SYT1: variants seen among roughly 807,000 people sequenced by gnomAD.
SYT1 encodes the protein synaptotagmin-1.
SYT1 carries 8 observed loss-of-function variants against 44.8 expected under a neutral mutation model. The ratio of observed to expected loss-of-function variants is 0.18; its 90% confidence interval spans 0.10 to 0.32. SYT1 has a LOEUF of 0.32. Ranked by LOEUF, SYT1 falls within the 10% of genes least tolerant of loss-of-function variation. SYT1 has a pLI of 1.00. For missense variants in SYT1, 286 were observed against 509.3 expected (o/e 0.56, Z 4.22); for synonymous variants, 154 against 188.8 (o/e 0.82, Z 1.51).
At chr12:78,865,460 C>T (rs937813005) in intron 1 of SYT1, among the ~76,000 whole-genome samples, 5 of 152,198 alleles carry the variant, frequency 3.3e-5, no homozygotes, top group Admixed American at 3.3e-4. Flanking sequence ...CCACCCTAAG[C>T]ACGCACAGCG....
intron 3 of SYT1, among the ~76,000 whole-genome samples, chr12:79,077,037 G>C (rs185965926): frequency 6.6e-6 from 1 of 152,136 alleles, no homozygotes; most frequent in Non-Finnish European, 1.5e-5. Context: ...ACAAAGTTCA[G>C]GTGTTTTAGT....
chr12:79,145,191 A>G (rs1430977671), intron 3 of SYT1, among the ~76,000 whole-genome samples: 1 of 152,186 alleles, frequency 6.6e-6, no homozygotes, highest in Admixed American at 6.5e-5. Flanking sequence ...ATGGTAACAA[A>G]TCCACTTAAT....
intron 4 of SYT1, among the ~76,000 whole-genome samples, chr12:79,271,273 A>T (rs1006709379): frequency 1.3e-5 from 2 of 152,176 alleles, no homozygotes; most frequent in Admixed American, 6.5e-5. Context: ...TTTTTTAAAA[A>T]ATTTATTTAG....
chr12:78,916,741 T>C (rs1876676478), intron 1 of SYT1, among the ~76,000 whole-genome samples: 2 of 152,062 alleles, frequency 1.3e-5, no homozygotes, highest in African/African-American at 2.4e-5. Flanking sequence ...ATTGAAACCA[T>C]AGTGTTTACT....
intron 2 of SYT1, among the ~76,000 whole-genome samples, chr12:79,011,309 T>G (rs189474724): frequency 3.9e-5 from 6 of 152,302 alleles, no homozygotes; most frequent in Middle Eastern, 3.4e-3. Flanking sequence ...TCCTTAAGTT[T>G]ACATACCAGC....
chr12:79,271,527 A>AT (rs1878425453), intron 4 of SYT1, among the ~76,000 whole-genome samples: 1 of 152,150 alleles, frequency 6.6e-6, no homozygotes, highest in Non-Finnish European at 1.5e-5. Context: ...TAAGACTGAG[A>AT]TTTTAACACC....
At chr12:79,418,283 C>A (rs937771858) in intron 9 of SYT1, among the ~76,000 whole-genome samples, 1 of 152,038 alleles carries the variant, frequency 6.6e-6, no homozygotes, top group African/African-American at 2.4e-5. Context: ...ACTTGGTGCC[C>A]GAATGATCAT....
At chr12:79,064,242 GAA>G (rs1176735104) in intron 3 of SYT1, among the ~76,000 whole-genome samples, 1 of 152,120 alleles carries the variant, frequency 6.6e-6, no homozygotes, top group East Asian at 1.9e-4. Context: ...GACTGAAGGA[GAA>G]AGGAAAGAGG....
chr12:79,097,836 AC>A (rs1878226647), intron 3 of SYT1, among the ~76,000 whole-genome samples: 1 of 152,034 alleles, frequency 6.6e-6, no homozygotes, highest in African/African-American at 2.4e-5. Context: ...TCCCAAAGCA[AC>A]ACTGCTTGTT....
At chr12:79,248,311 T>A (rs2138680882) in intron 4 of SYT1, among the ~76,000 whole-genome samples, 1 of 152,220 alleles carries the variant, frequency 6.6e-6, no homozygotes, top group East Asian at 1.9e-4. Flanking sequence ...TAAAAATATA[T>A]TAGAAAAAAA....
At chr12:79,197,767 A>T (rs1003406346) in intron 3 of SYT1, among the ~76,000 whole-genome samples, 1 of 152,198 alleles carries the variant, frequency 6.6e-6, no homozygotes, top group Admixed American at 6.5e-5. Context: ...TAACATGTGT[A>T]TGTCTGTAGT....
chr12:79,286,206 C>T (rs753565576), intron 5 of SYT1, among the ~76,000 whole-genome samples: 1 of 152,086 alleles, frequency 6.6e-6, no homozygotes, highest in Non-Finnish European at 1.5e-5. Context: ...ATCATCAGGC[C>T]CATCTTGATG....
intron 1 of SYT1, among the ~76,000 whole-genome samples, chr12:78,957,961 A>G (rs1879296170): frequency 6.6e-6 from 1 of 152,200 alleles, no homozygotes. Flanking sequence ...CAAAAGAAAT[A>G]ACTAAAAAAC....
At chr12:79,030,308 A>T (rs1041323979) in intron 2 of SYT1, among the ~76,000 whole-genome samples, 1 of 150,786 alleles carries the variant, frequency 6.6e-6, no homozygotes, top group Non-Finnish European at 1.5e-5. Context: ...CAACTTTTTC[A>T]GTCTTCTTTC....
intron 3 of SYT1, among the ~76,000 whole-genome samples, chr12:79,076,262 G>A (rs761746027): frequency 6.6e-6 from 1 of 152,028 alleles, no homozygotes; most frequent in Admixed American, 6.6e-5. Flanking sequence ...GGTATAGCGA[G>A]GCACCTCTAG....
At chr12:79,241,262 CT>C (rs3067371) in intron 4 of SYT1, among the ~76,000 whole-genome samples, 104,427 of 149,876 alleles carry the variant, frequency 0.7, 36,508 homozygotes, top group African/African-American at 0.75. Flanking sequence ...GCACTGGCAA[CT>C]TTTTTTTTTT....
At chr12:79,004,044 A>G (rs553410964) in intron 2 of SYT1, among the ~76,000 whole-genome samples, 5 of 152,004 alleles carry the variant, frequency 3.3e-5, no homozygotes, top group African/African-American at 1.2e-4. Flanking sequence ...CAAATATCTA[A>G]TGACCCTCCT....
At chr12:79,033,186 G>A (rs1872929206) in intron 2 of SYT1, among the ~76,000 whole-genome samples, 1 of 151,306 alleles carries the variant, frequency 6.6e-6, no homozygotes, top group South Asian at 2.1e-4. Flanking sequence ...CACTTGATCT[G>A]CTGTTATTCT....
At chr12:79,115,097 C>T (rs1879208092) in intron 3 of SYT1, among the ~76,000 whole-genome samples, 1 of 152,108 alleles carries the variant, frequency 6.6e-6, no homozygotes, top group Non-Finnish European at 1.5e-5. Context: ...TAAATTATCT[C>T]CAATTACTGT....
Sources: allele counts gnomAD v4.1 joint callset (sites outside exome capture counted in the v4.1 genomes callset), GRCh38; gene constraint gnomAD v4.1.1; transcripts MANE v1.5; gene names NCBI Gene and HGNC (gene_info 2026-07-23, HGNC 2026-07-21).